The following OPCML variants were observed in gnomAD, a reference collection of about 807,000 sequenced individuals.
The protein encoded by OPCML is opioid-binding protein/cell adhesion molecule.
OPCML carries 13 observed loss-of-function variants against 37.8 expected under a neutral mutation model. The observed-to-expected ratio is 0.34, with a 90% CI of 0.22 to 0.55. OPCML has a LOEUF of 0.55. OPCML is among the 20% of genes least tolerant of loss of function. OPCML has a pLI of 0.91. For missense variants in OPCML, 341 were observed against 435.6 expected (o/e 0.78, Z 1.93); for synonymous variants, 176 against 168.8 (o/e 1.04, Z -0.33).
At chr11:132,529,796 A>T (rs10450640) in intron 3 of OPCML, among the ~76,000 whole-genome samples, 4,052 of 152,286 alleles carry the variant, frequency 0.027, 189 homozygotes, top group African/African-American at 0.092. Context: ...GACTCTCTTG[A>T]TAGAGTTGGA....
rs533085871 is a variant in OPCML, at chr11:133,389,238, C to A, written c.61+143026G>T. ...TTGTAACCCATCTAAATCTTTCGTT[C>A]TTAAAATGCAAATATGTATGCAAGA... On this transcript the variant is annotated intron_variant, in intron 1 of 7. Transcript: ENST00000524381. Among the ~76,000 whole-genome samples, 26 of 152,302 alleles carry A rather than the reference C, an allele frequency of 1.7e-4. No homozygotes were observed. In the East Asian group the frequency reaches 3.1e-3, roughly 18 times the overall value.
chr11:132,977,553 AT>A (rs1231776035), intron 1 of OPCML, among the ~76,000 whole-genome samples: 2 of 152,108 alleles, frequency 1.3e-5, no homozygotes, highest in Non-Finnish European at 2.9e-5. Context: ...ATGTGGCCAT[AT>A]TTTTTTCATA....
At chr11:132,951,425 C>T (rs1945859209) in intron 1 of OPCML, among the ~76,000 whole-genome samples, 1 of 152,154 alleles carries the variant, frequency 6.6e-6, no homozygotes, top group Non-Finnish European at 1.5e-5. Context: ...TAGAAGGCCA[C>T]CAATTCTAAG....
intron 3 of OPCML, among the ~76,000 whole-genome samples, chr11:132,589,371 A>C (rs1216592445): frequency 6.6e-6 from 1 of 152,208 alleles, no homozygotes; most frequent in Admixed American, 6.5e-5. Context: ...TCATTCAACA[A>C]ATGTTTATTT....
At chr11:132,913,661 C>A (rs1017767742) in intron 2 of OPCML, among the ~76,000 whole-genome samples, 1 of 152,164 alleles carries the variant, frequency 6.6e-6, no homozygotes, top group African/African-American at 2.4e-5. Context: ...ACCCGCACTG[C>A]CTTGGGACTA....
At chr11:133,026,402 C>A (rs1947555907) in intron 1 of OPCML, 1 of 985,400 alleles carries the variant, frequency 1.0e-6, no homozygotes, top group South Asian at 4.7e-5. Context: ...ACCTTGCCTG[C>A]CTCTTCTTTA....
At chr11:132,790,317 T>C (rs1259693988) in intron 2 of OPCML, among the ~76,000 whole-genome samples, 2 of 152,180 alleles carry the variant, frequency 1.3e-5, no homozygotes, top group Non-Finnish European at 2.9e-5. Flanking sequence ...GTGGCTAGAA[T>C]TAACAATAAT....
At chr11:133,407,818 C>T (rs924157699) in intron 1 of OPCML, among the ~76,000 whole-genome samples, 1 of 152,166 alleles carries the variant, frequency 6.6e-6, no homozygotes, top group Admixed American at 6.5e-5. Flanking sequence ...ATGCTTTATC[C>T]TTTCCCCAGA....
intron 3 of OPCML, among the ~76,000 whole-genome samples, chr11:132,645,881 G>A (rs769587714): frequency 9.9e-5 from 15 of 152,190 alleles, no homozygotes; most frequent in Admixed American, 2.6e-4. Flanking sequence ...GAGCATTTCC[G>A]TCATCGCGGA....
chr11:133,098,361 G>A (rs763782409), intron 1 of OPCML, among the ~76,000 whole-genome samples: 3 of 151,658 alleles, frequency 2.0e-5, no homozygotes, highest in Non-Finnish European at 4.4e-5. Context: ...GACTACAGGC[G>A]CCCGCCACCA....
intron 1 of OPCML, among the ~76,000 whole-genome samples, chr11:133,140,961 A>AGACGAC (rs1949797227): frequency 4.4e-4 from 1 of 2,276 alleles, no homozygotes; most frequent in African/African-American, 7.0e-4. Flanking sequence ...AAGAAGAAGA[A>AGACGAC]GAAGAAGAAG....
At position 132,712,465 on chromosome 11, in the gene OPCML, G is replaced by C. The variant is rs370081136; in HGVS notation, c.147-55146C>G. On this transcript the variant is annotated intron_variant, in intron 2 of 7. Coordinates refer to ENST00000524381, the MANE Select transcript of OPCML (RefSeq NM_001012393.5). ...ATAAAAGAAAGGTTTGGTTGCGATA[G>C]TGTCTGACACCGGGCACACTGTTTC... is the stretch of plus-strand genomic sequence containing the variant. Among the ~76,000 whole-genome samples the C allele has an allele frequency of 3.3e-5, 5 of 152,280 alleles. No homozygotes were observed. In the South Asian group the frequency reaches 1.0e-3, roughly 32 times the overall value.
chr11:133,412,226 A>C (rs1945666008), intron 1 of OPCML, among the ~76,000 whole-genome samples: 2 of 152,236 alleles, frequency 1.3e-5, no homozygotes, highest in African/African-American at 4.8e-5. Context: ...ACCTGAAAAG[A>C]ACAATTGGAG....
chr11:132,601,688 T>C (rs936026223), intron 3 of OPCML, among the ~76,000 whole-genome samples: 1 of 152,206 alleles, frequency 6.6e-6, no homozygotes, highest in African/African-American at 2.4e-5. Context: ...CAGCTAGGTA[T>C]TGGTCCTTGA....
chr11:133,419,823 C>A (rs561452929), intron 1 of OPCML, among the ~76,000 whole-genome samples: 48 of 152,272 alleles, frequency 3.2e-4, no homozygotes, highest in African/African-American at 1.1e-3. Context: ...ACAAAAAATT[C>A]AGGAAATATT....
intron 1 of OPCML, among the ~76,000 whole-genome samples, chr11:133,396,669 C>T (rs1261798586): frequency 2.0e-5 from 3 of 152,154 alleles, no homozygotes; most frequent in African/African-American, 7.2e-5. Flanking sequence ...ACTGGCTTAA[C>T]TTTCACTTAT....
chr11:132,638,041 G>A lies in OPCML; in HGVS notation c.379+19046C>T, dbSNP rs564066738. On this transcript the variant is annotated intron_variant, in intron 3 of 7. Coordinates refer to ENST00000524381, the MANE Select transcript of OPCML (RefSeq NM_001012393.5). ...CTAATATCATATTCTAAAGGGAAGA[G>A]TGGCATGGAAAACATGAACTTCTGC... Among the ~76,000 whole-genome samples, 79 of 152,244 alleles carry A rather than the reference G, an allele frequency of 5.2e-4. No individual in the cohort carries two copies. In the South Asian group the frequency reaches 0.016, roughly 31 times the overall value.
rs2096391258 is a variant in OPCML at position 132,554,883 on chromosome 11, T to TTTTTTCTTTTTTC, written c.380-25698_380-25697insGAAAAAAGAAAAA. ...GTAAAGTTTTTTTTTTTTTTTTTTTTTTTTTTTTCATTAGCTCTATGGTTA... is the reference window on the plus strand; with the variant it reads ...GTAAAGTTTTTTTTTTTTTTTTTTTTTTTTTCTTTTTTCTTTTTTTTCATTAGCTCTATGGTTA... On this transcript the variant is annotated intron_variant, in intron 3 of 7. Transcript: ENST00000524381. Among the ~76,000 whole-genome samples the TTTTTTCTTTTTTC allele has an allele frequency of 1.5e-4, 19 of 125,742 alleles. No individual in the cohort carries two copies. The East Asian group carries it at 6.7e-3, about 44-fold the overall frequency. 82.5% of individuals were successfully genotyped at this position (125,742 alleles called of 152,430 possible).
chr11:133,407,327 T>C (rs919714777), intron 1 of OPCML, among the ~76,000 whole-genome samples: 29 of 152,194 alleles, frequency 1.9e-4, no homozygotes, highest in Admixed American at 6.5e-5. Flanking sequence ...TCTTTAGATA[T>C]AGTTGTAATT....
Sources: gnomAD v4.1 joint callset for allele counts (sites outside exome capture counted in the v4.1 genomes callset) on GRCh38, gnomAD v4.1.1 for gene constraint, MANE v1.5 for transcripts, NCBI Gene and HGNC (gene_info 2026-07-23, HGNC 2026-07-21) for gene names.